ARID1A: variants seen among roughly 807,000 people sequenced by gnomAD.
The protein encoded by ARID1A is AT-rich interaction domain 1A.
Under a neutral mutation model 212.6 loss-of-function variants are expected in ARID1A, and 20 were observed. That is an observed-to-expected ratio of 0.09 (90% CI 0.07 to 0.14). The LOEUF is 0.14. ARID1A is among the 10% of genes least tolerant of loss of function. The probability of loss-of-function intolerance (pLI) is 1.00; values close to 1 mark genes in which losing one functional copy is unlikely to be tolerated. For missense variants in ARID1A, 2,587 were observed against 3,059.0 expected, an observed-to-expected ratio of 0.85 and a Z score of 3.64; for synonymous variants, 1,376 against 1,222.1, an observed-to-expected ratio of 1.13 and a Z score of -2.63.
intron 8 of ARID1A, chr1:26,764,701 C>T (rs1172536955): frequency 6.6e-6 from 1 of 152,182 alleles, no homozygotes; most frequent in African/African-American, 2.4e-5. Context: ...GCAAAGCCAC[C>T]TCTGGGTGCT....
chr1:26,724,619 A>G (rs1476172043), intron 1 of ARID1A, among the ~76,000 whole-genome samples: 1 of 152,206 alleles, frequency 6.6e-6, no homozygotes, highest in Non-Finnish European at 1.5e-5. Context: ...TTTGGGTTAT[A>G]AGACATTCAG....
chr1:26,736,860 C>T (rs997117364), intron 4 of ARID1A, among the ~76,000 whole-genome samples: 21 of 149,930 alleles, frequency 1.4e-4, no homozygotes, highest in Admixed American at 3.3e-4. Flanking sequence ...CAAGATCACG[C>T]CATTGCACTC....
rs1382318067 is a variant in ARID1A at position 26,696,522 on chromosome 1, C to T, written c.119C>T (p.Ala40Val). 1.3e-5 allele frequency: 16 copies of T among 1,226,414 alleles called. No homozygotes were observed. Among genetic ancestry groups the T allele is most frequent in the Admixed American group, 4.3e-5 (1 of 23,154 alleles). 76.0% of individuals were successfully genotyped at this position (1,226,414 alleles called of 1,614,324 possible). The change falls in exon 1 of 20, where the codon GCG (alanine) becomes GTG (valine). Residue 40 changes from alanine (A) to valine (V), a missense_variant. This residue lies in a region of ARID1A where 735 missense variants were observed against 590.6 expected (regional missense o/e 1.24). Transcript: ENST00000324856. ...QQREEAGGEA[A>V]AAAAAERGEM... ...CGGGAGGAGGCGGGGGGCGAGGCGG[C>T]GGCGGCGGCAGCGGCCGAGCGCGGG...
chr1:26,772,370 GA>G (rs2081090132), intron 12 of ARID1A, 129 bp from the exon 13 acceptor site: 5 of 1,350,192 alleles, frequency 3.7e-6, no homozygotes, highest in Non-Finnish European at 5.1e-6. Context: ...CCTCTGCTAA[GA>G]AGGGTGATCA....
chr1:26,758,464 A>G (rs1219005503), intron 4 of ARID1A, among the ~76,000 whole-genome samples: 2 of 152,096 alleles, frequency 1.3e-5, no homozygotes, highest in East Asian at 3.9e-4. Flanking sequence ...CTGTACACAC[A>G]CATACAGAGC....
chr1:26,767,629 G>A (rs2081050762), intron 10 of ARID1A, among the ~76,000 whole-genome samples, 161 bp from the exon 11 acceptor site: 2 of 152,086 alleles, frequency 1.3e-5, no homozygotes, highest in Non-Finnish European at 2.9e-5. Context: ...AAAAAAATTT[G>A]GTTCTCTTTT....
chr1:26,727,674 A>G (rs937202503), intron 1 of ARID1A: 9 of 152,212 alleles, frequency 5.9e-5, no homozygotes, highest in African/African-American at 2.2e-4. Flanking sequence ...GTTAATAGCT[A>G]CTGCTCTAGA....
rs2124070441 is a variant in ARID1A at position 26,763,252 on chromosome 1, C to T, written c.2699C>T (p.Ala900Val). 1 of 1,611,336 alleles carries T rather than the reference C, an allele frequency of 6.2e-7. No individual in the cohort carries two copies. Among genetic ancestry groups the T allele is most frequent in the Non-Finnish European group, 8.5e-7 (1 of 1,177,944 alleles). The change falls in exon 8 of 20, where the codon GCC becomes GTC. Residue 900 changes from alanine (A) to valine (V), a missense_variant. This residue lies in a region of ARID1A where 674 missense variants were observed against 813.4 expected (regional missense o/e 0.83). Transcript: ENST00000324856. ...CGGAAAACCCAAGAAACTGCTGTCG[C>T]CATGCATGTTGCTGCCAACTCTATC... ...MNRKTQETAV[A>V]MHVAANSIQN...
intron 4 of ARID1A, among the ~76,000 whole-genome samples, chr1:26,741,917 G>A (rs2080791900): frequency 1.3e-5 from 2 of 152,214 alleles, no homozygotes; most frequent in African/African-American, 2.4e-5. Context: ...TGCTGTCCCT[G>A]TAGAATCCAG....
At position 26,729,798 on chromosome 1, in the gene ARID1A, C is replaced by G. The variant is rs993324701; in HGVS notation, c.1285C>G (p.Arg429Gly). ...GQPYGSQTPQ[R>G]YPMTMQGRAQ... ...GCCATACGGGTCCCAGACCCCGCAG[C>G]GGTACCCGATGACCATGCAGGGCCG... is the stretch of plus-strand genomic sequence containing the variant. Residue 429 changes from arginine (R) to glycine (G), a missense_variant, in exon 2 of 20, where the codon CGG becomes GGG. Around this residue, in one of 11 missense-constraint regions of ARID1A, gnomAD observed 674 missense variants for 813.4 expected, o/e 0.83. Coordinates refer to ENST00000324856, the MANE Select transcript of ARID1A (RefSeq NM_006015.6). The G allele has an allele frequency of 6.2e-7, 1 of 1,614,222 alleles. No individual in the cohort carries two copies. Among genetic ancestry groups the G allele is most frequent in the South Asian group, 1.1e-5 (1 of 91,084 alleles).
At chr1:26,702,493 G>A (rs985053137) in intron 1 of ARID1A, among the ~76,000 whole-genome samples, 1 of 152,172 alleles carries the variant, frequency 6.6e-6, no homozygotes, top group East Asian at 1.9e-4. Context: ...CGTCTCTGAA[G>A]GAACCAAATG....
At chr1:26,704,579 C>T (rs899117336) in intron 1 of ARID1A, among the ~76,000 whole-genome samples, 27 of 152,016 alleles carry the variant, frequency 1.8e-4, no homozygotes, top group Non-Finnish European at 3.4e-4. Context: ...TGTTTTTGGC[C>T]GGGCGCGGTA....
chr1:26,749,042 G>A (rs1232781848), intron 4 of ARID1A, among the ~76,000 whole-genome samples: 8 of 152,130 alleles, frequency 5.3e-5, no homozygotes, highest in Non-Finnish European at 1.0e-4. Context: ...GCGGGCACCT[G>A]TAGTCCCAGC....
chr1:26,763,206 C>T lies in ARID1A; in HGVS notation c.2653C>T (p.Pro885Ser), dbSNP rs1346454405. The change falls in exon 8 of 20, where the codon CCC becomes TCC. Residue 885 changes from proline to serine, a missense_variant. Coordinates refer to ENST00000324856, the MANE Select transcript of ARID1A (RefSeq NM_006015.6). ...MPPQVGSGMC[P>S]PPGGMNRKTQ... Reference sequence around the variant, plus strand: ...ACCTCAGGTTGGGTCAGGGATGTGTCCCCCACCAGGGGGCATGAACCGGAA... The same window carrying T: ...ACCTCAGGTTGGGTCAGGGATGTGTTCCCCACCAGGGGGCATGAACCGGAA... 1 of 1,614,152 alleles carries T rather than the reference C, an allele frequency of 6.2e-7. No homozygotes were observed. Among genetic ancestry groups the T allele is most frequent in the Admixed American group, 1.7e-5 (1 of 60,020 alleles).
chr1:26,713,822 G>C (rs777517797), intron 1 of ARID1A, among the ~76,000 whole-genome samples: 4 of 152,166 alleles, frequency 2.6e-5, no homozygotes, highest in Non-Finnish European at 5.9e-5. Context: ...TTGGGGTTCT[G>C]TTGACCCAGT....
At chr1:26,768,582 T>G (rs576669316) in intron 11 of ARID1A, among the ~76,000 whole-genome samples, 2 of 152,254 alleles carry the variant, frequency 1.3e-5, no homozygotes, top group South Asian at 2.1e-4. Context: ...CCAGTAGAGA[T>G]AGGATTTCAG....
At chr1:26,717,935 T>G (rs563294318) in intron 1 of ARID1A, among the ~76,000 whole-genome samples, 37 of 152,242 alleles carry the variant, frequency 2.4e-4, no homozygotes, top group Non-Finnish European at 4.9e-4. Context: ...CCCAGCTGAT[T>G]TGAGGAACAG....
At chr1:26,773,269 G>A (rs2081099984) in intron 14 of ARID1A, 77 bp from the exon 15 acceptor site, 3 of 1,493,200 alleles carry the variant, frequency 2.0e-6, no homozygotes, top group Non-Finnish European at 2.7e-6. Context: ...GAACTCTGAA[G>A]AGGGCCTGGG....
In ARID1A at chr1:26,696,430, C is replaced by T. The variant is rs2080253411; in HGVS notation, c.27C>T (p.Ala9=). MAAQVAPA[A]ASSLGNPPPP... ...TGGCCGCGCAGGTCGCCCCCGCCGCCGCCAGCAGCCTGGGCAACCCGCCGC... is the reference window on the plus strand; with the variant it reads ...TGGCCGCGCAGGTCGCCCCCGCCGCTGCCAGCAGCCTGGGCAACCCGCCGC... Residue 9 remains alanine (A), a synonymous_variant, in exon 1 of 20, where the codon GCC becomes GCT. Transcript: ENST00000324856. 2.3e-6 allele frequency: 3 copies of T among 1,289,202 alleles called. No homozygotes were observed. Among genetic ancestry groups the T allele is most frequent in the Non-Finnish European group, 2.9e-6 (3 of 1,019,968 alleles). The allele number at this position is 1,289,202 out of a possible 1,614,324, so 79.9% of individuals were successfully genotyped here. A position where few individuals can be genotyped will look rare whatever the true frequency, so the allele number is the denominator to read the frequency against.
Sources: allele counts gnomAD v4.1 joint callset (sites outside exome capture counted in the v4.1 genomes callset), GRCh38; gene constraint gnomAD v4.1.1; regional missense constraint gnomAD v4.1.1; transcripts MANE v1.5; gene names NCBI Gene and HGNC (gene_info 2026-07-23, HGNC 2026-07-21).